The following GALNT13 variants were observed in gnomAD, a reference collection of about 807,000 sequenced individuals.
GALNT13 encodes the protein UDP-GalNAc:polypeptide N-acetylgalactosaminyltransferase 13.
Under a neutral mutation model 64.2 loss-of-function variants are expected in GALNT13, and 28 were observed. The ratio of observed to expected loss-of-function variants is 0.44; its 90% CI spans 0.32 to 0.60. GALNT13 has a LOEUF of 0.60. Ranked by LOEUF, GALNT13 falls within the 20% of genes least tolerant of loss-of-function variation. The pLI, the probability that GALNT13 is intolerant of heterozygous loss-of-function variation, is 0.05. For synonymous variants in GALNT13, 214 were observed against 224.6 expected (o/e 0.95, Z 0.42); for missense variants, 577 against 669.8 (o/e 0.86, Z 1.53).
chr2:154,282,138 T>G (rs955088685), intron 8 of GALNT13, among the ~76,000 whole-genome samples: 2 of 152,094 alleles, frequency 1.3e-5, no homozygotes, highest in African/African-American at 4.8e-5. Context: ...AATGCCAACT[T>G]TAACATCTCC....
chr2:154,435,848 C>A (rs1700938786), intron 11 of GALNT13: 1 of 152,056 alleles, frequency 6.6e-6, no homozygotes, highest in Non-Finnish European at 1.5e-5. Flanking sequence ...ATTCCATGAA[C>A]CTTTCACAGT....
At chr2:154,378,125 G>C (rs1215978190) in intron 9 of GALNT13, among the ~76,000 whole-genome samples, 1 of 152,060 alleles carries the variant, frequency 6.6e-6, no homozygotes, top group Non-Finnish European at 1.5e-5. Context: ...TCCCTGTCTG[G>C]AGAACGAACA....
chr2:153,648,762 T>C, the GALNT13 span, among the ~76,000 whole-genome samples: 36 of 152,024 alleles, frequency 2.4e-4, no homozygotes, highest in Non-Finnish European at 4.6e-4. Flanking sequence ...ATATGCTGGA[T>C]TACGTTTATT....
the GALNT13 span, among the ~76,000 whole-genome samples, chr2:153,260,358 C>T: frequency 6.6e-6 from 1 of 152,136 alleles, no homozygotes; most frequent in African/African-American, 2.4e-5. Context: ...TGAAGAACTT[C>T]CTTTAGCATT....
intron 4 of GALNT13, among the ~76,000 whole-genome samples, chr2:154,188,635 C>G (rs1686395467): frequency 6.6e-6 from 1 of 152,078 alleles, no homozygotes; most frequent in Non-Finnish European, 1.5e-5. Flanking sequence ...TGATGAACAG[C>G]AGACTATTTT....
Position 154,259,208 on chromosome 2 carries a change from TA to T in GALNT13, c.975+72del. ...TGTAGCATGCACATACCAGTCCCAG[TA>T]ATTTACTGTCAAATCATTTTTGCTG... On this transcript the variant is annotated intron_variant, in intron 8 of 12. Transcript: ENST00000392825. 3 of 811,602 alleles carry T rather than the reference TA, an allele frequency of 3.7e-6. No individual in the cohort carries two copies. The Admixed American group carries it at 7.4e-5, about 20-fold the overall frequency. The allele number at this position is 811,602 out of a possible 1,614,324, so 50.3% of individuals were successfully genotyped here.
At chr2:153,897,959 A>G (rs1687989659) in intron 1 of GALNT13, among the ~76,000 whole-genome samples, 1 of 151,980 alleles carries the variant, frequency 6.6e-6, no homozygotes, top group African/African-American at 2.4e-5. Context: ...AATGTCATGT[A>G]TTTTTAAGTC....
the GALNT13 span, among the ~76,000 whole-genome samples, chr2:153,183,322 GT>G: frequency 5.3e-5 from 8 of 151,666 alleles, no homozygotes; most frequent in South Asian, 2.1e-4. Flanking sequence ...TTTTTAATGG[GT>G]TTTTTTTCTC....
At chr2:153,140,471 G>A in the GALNT13 span, among the ~76,000 whole-genome samples, 4 of 152,124 alleles carry the variant, frequency 2.6e-5, no homozygotes, top group South Asian at 8.3e-4. Flanking sequence ...CTGAAACAGG[G>A]AAAGGTTAAT....
the GALNT13 span, among the ~76,000 whole-genome samples, chr2:153,630,788 TA>T: frequency 4.5e-4 from 5 of 11,112 alleles, no homozygotes; most frequent in Admixed American, 9.8e-4. Context: ...TATATATATA[TA>T]TATATATATA....
the GALNT13 span, among the ~76,000 whole-genome samples, chr2:153,439,089 A>G: frequency 1.3e-5 from 2 of 152,130 alleles, no homozygotes; most frequent in African/African-American, 2.4e-5. Flanking sequence ...GGTCCACTCC[A>G]GACCCTGTTT....
the GALNT13 span, among the ~76,000 whole-genome samples, chr2:153,715,572 A>G: frequency 5.2e-5 from 8 of 152,382 alleles, no homozygotes; most frequent in East Asian, 1.5e-3. Flanking sequence ...GAAAACATAC[A>G]TAAATTAAGA....
the GALNT13 span, among the ~76,000 whole-genome samples, chr2:153,348,504 A>G: frequency 2.6e-5 from 4 of 152,226 alleles, no homozygotes; most frequent in Non-Finnish European, 5.9e-5. Context: ...AGATAATGAC[A>G]AGCTTTGTTC....
intron 8 of GALNT13, among the ~76,000 whole-genome samples, chr2:154,274,220 G>A (rs532806033): frequency 2.7e-4 from 41 of 152,192 alleles, no homozygotes; most frequent in African/African-American, 8.7e-4. Flanking sequence ...GATAATGTAC[G>A]AAGTTCTAGG....
chr2:153,712,577 G>A, the GALNT13 span, among the ~76,000 whole-genome samples: 1 of 152,126 alleles, frequency 6.6e-6, no homozygotes. Context: ...GAAAAGTCTA[G>A]GGCTTTTTGC....
intron 7 of GALNT13, among the ~76,000 whole-genome samples, chr2:154,252,901 C>T (rs1690164805): frequency 6.6e-6 from 1 of 152,086 alleles, no homozygotes; most frequent in Non-Finnish European, 1.5e-5. Flanking sequence ...GACTTAAACA[C>T]ATTGCAACTA....
chr2:154,013,292 G>A (rs1275558174), intron 3 of GALNT13, among the ~76,000 whole-genome samples: 1 of 122,538 alleles, frequency 8.2e-6, no homozygotes, highest in Non-Finnish European at 1.7e-5. Flanking sequence ...TTCTGGCTTT[G>A]ATTATGGAAG....
the GALNT13 span, among the ~76,000 whole-genome samples, chr2:153,764,405 A>C: frequency 6.6e-6 from 1 of 152,272 alleles, no homozygotes; most frequent in African/African-American, 2.4e-5. Context: ...GCATGTTGGC[A>C]CATGCCTGTA....
intron 4 of GALNT13, among the ~76,000 whole-genome samples, chr2:154,206,716 G>C (rs1277006826): frequency 6.6e-6 from 1 of 151,652 alleles, no homozygotes; most frequent in Non-Finnish European, 1.5e-5. Flanking sequence ...AGAATTGCTT[G>C]AACCTTGCAG....
Sources: allele counts gnomAD v4.1 joint callset (sites outside exome capture counted in the v4.1 genomes callset), GRCh38; gene constraint gnomAD v4.1.1; transcripts MANE v1.5; gene names NCBI Gene and HGNC (gene_info 2026-07-23, HGNC 2026-07-21).